VPS13B: variants seen among roughly 807,000 people sequenced by gnomAD.
VPS13B encodes intermembrane lipid transfer protein VPS13B.
VPS13B carries 285 observed loss-of-function variants against 426.4 expected under a neutral mutation model. The ratio of observed to expected loss-of-function variants is 0.67; its 90% CI spans 0.61 to 0.74. The LOEUF (loss-of-function observed/expected upper bound fraction) is 0.74. Among genes scored for constraint, VPS13B ranks in the 30% least tolerant of loss-of-function variants. The probability of loss-of-function intolerance (pLI) is 0.00; values close to 1 mark genes in which losing one functional copy is unlikely to be tolerated. For synonymous variants in VPS13B, 1,676 were observed against 1,676.4 expected, an observed-to-expected ratio of 1.00 and a Z score of 0.01; for missense variants, 4,537 against 4,782.6, an observed-to-expected ratio of 0.95 and a Z score of 1.51.
chr8:99,535,196 G>A (rs1027389823), intron 30 of VPS13B, among the ~76,000 whole-genome samples: 23 of 152,096 alleles, frequency 1.5e-4, no homozygotes, highest in Non-Finnish European at 2.6e-4. Context: ...GCCTTGGTAA[G>A]ATAAAATGCT....
At chr8:99,115,478 A>G (rs1482015625) in intron 6 of VPS13B, among the ~76,000 whole-genome samples, 1 of 152,062 alleles carries the variant, frequency 6.6e-6, no homozygotes, top group Non-Finnish European at 1.5e-5. Context: ...TATGTACATC[A>G]TTTGGTTTAA....
chr8:99,571,211 T>A (rs1039654397), intron 31 of VPS13B, among the ~76,000 whole-genome samples: 5 of 152,154 alleles, frequency 3.3e-5, no homozygotes, highest in Admixed American at 1.3e-4. Flanking sequence ...CAGTTAATAC[T>A]TTGTGTTTTA....
chr8:99,742,087 T>TC (rs1809760398), intron 39 of VPS13B, among the ~76,000 whole-genome samples: 2 of 151,732 alleles, frequency 1.3e-5, no homozygotes, highest in African/African-American at 4.8e-5. Flanking sequence ...GCAAGACTAA[T>TC]AAAGAAGAAA....
intron 24 of VPS13B, among the ~76,000 whole-genome samples, chr8:99,473,454 A>G (rs1412265930): frequency 6.6e-6 from 1 of 152,140 alleles, no homozygotes; most frequent in Non-Finnish European, 1.5e-5. Flanking sequence ...GACATTTGAC[A>G]GAATTCAACA....
At chr8:99,020,125 C>T (rs978230648) in intron 2 of VPS13B, among the ~76,000 whole-genome samples, 21 of 149,424 alleles carry the variant, frequency 1.4e-4, no homozygotes, top group African/African-American at 3.2e-4. Context: ...TGCTCCGTAT[C>T]GTCACTAACA....
intron 21 of VPS13B, chr8:99,429,512 TCA>T (rs1041481137): frequency 6.6e-6 from 1 of 152,134 alleles, no homozygotes; most frequent in African/African-American, 2.4e-5. Context: ...AATGGAAATC[TCA>T]GTTTAAGACA....
intron 17 of VPS13B, among the ~76,000 whole-genome samples, chr8:99,197,794 T>C (rs562436732): frequency 4.6e-5 from 7 of 152,322 alleles, no homozygotes; most frequent in African/African-American, 1.4e-4. Flanking sequence ...TTCATTTGTC[T>C]CAAGATACAT....
rs1046504261 is a variant in VPS13B at position 99,877,501 on chromosome 8, G to A, written c.*1835G>A. On this transcript the variant is annotated 3_prime_UTR_variant, in exon 62 of 62. Coordinates refer to ENST00000357162, the MANE Select transcript of VPS13B (RefSeq NM_152564.5). ...TTCACTAATACCTGGGTTTAATACA[G>A]CTCACATCACTGAATGTTACACATG... 2.0e-5 allele frequency: 3 copies of A among 152,572 alleles called. No homozygotes were observed. Among genetic ancestry groups the A allele is most frequent in the African/African-American group, 7.2e-5 (3 of 41,436 alleles). 9.5% of individuals were successfully genotyped at this position (152,572 alleles called of 1,614,324 possible). A position where few individuals can be genotyped will look rare whatever the true frequency, so the allele number is the denominator to read the frequency against.
chr8:99,165,986 A>T (rs1811980708), intron 15 of VPS13B, among the ~76,000 whole-genome samples: 1 of 152,092 alleles, frequency 6.6e-6, no homozygotes, highest in Admixed American at 6.6e-5. Flanking sequence ...TCTTTTATTT[A>T]TTTATTTTTT....
At chr8:99,582,461 T>A (rs1442772256) in intron 33 of VPS13B, among the ~76,000 whole-genome samples, 1 of 152,156 alleles carries the variant, frequency 6.6e-6, no homozygotes, top group Non-Finnish European at 1.5e-5. Flanking sequence ...TTAATAAGGG[T>A]TCTATCTCTT....
rs367627844 is a variant in VPS13B at position 99,226,087 on chromosome 8, G to T, written c.2515+33030G>T. Among the ~76,000 whole-genome samples the T allele has an allele frequency of 3.3e-5, 5 of 152,092 alleles. No homozygotes were observed. The East Asian group carries it at 9.7e-4, about 29-fold the overall frequency. The stretch of plus-strand genomic sequence containing the variant: ...AGCCTCCCAAGTAGTTGGGACTACA[G>T]GTGCCCGCCACCATGCCCGGCTAAT... On this transcript the variant is annotated intron_variant, in intron 17 of 61. Transcript: ENST00000357162.
chr8:99,497,077 AAT>A (rs1199870927), intron 25 of VPS13B, among the ~76,000 whole-genome samples: 3 of 143,552 alleles, frequency 2.1e-5, no homozygotes, highest in South Asian at 2.1e-4. Context: ...ATTTATTTGT[AAT>A]ATATATAAAT....
At chr8:99,213,106 C>A (rs961952001) in intron 17 of VPS13B, among the ~76,000 whole-genome samples, 3 of 152,084 alleles carry the variant, frequency 2.0e-5, no homozygotes, top group Admixed American at 1.3e-4. Flanking sequence ...TAGACTTGGA[C>A]CCTGTTTTCA....
intron 33 of VPS13B, among the ~76,000 whole-genome samples, chr8:99,578,436 A>G (rs1303121978): frequency 1.3e-5 from 2 of 152,146 alleles, no homozygotes; most frequent in Admixed American, 1.3e-4. Flanking sequence ...ATTATGTATT[A>G]TAACTGTGAC....
intron 36 of VPS13B, among the ~76,000 whole-genome samples, chr8:99,713,312 C>G (rs1832780155): frequency 6.6e-6 from 1 of 151,900 alleles, no homozygotes; most frequent in African/African-American, 2.4e-5. Context: ...CCTTTTATGG[C>G]TTTTTTTTAG....
Position 99,871,633 on chromosome 8 carries a change from A to T in VPS13B, c.11681A>T (p.Asp3894Val). Residue 3894 changes from aspartate to valine, a missense_variant, in exon 61 of 62, where the codon GAC (aspartate) becomes GTC (valine). Physicochemically the swap from Asp to Val is radical, Grantham distance 152 (BLOSUM62 -3). Coordinates refer to ENST00000357162, the MANE Select transcript of VPS13B (RefSeq NM_152564.5). ...FPVTEIDCAQDSKQNNLLTVQ... is the reference protein window; with the variant it reads ...FPVTEIDCAQVSKQNNLLTVQ... ...GTCACAGAAATCGACTGTGCACAGG[A>T]CAGCAAGCAGAACAACTTACTCACA... 6.2e-7 allele frequency: 1 copy of T among 1,614,200 alleles called. No individual in the cohort carries two copies. The highest frequency in any genetic ancestry group is 8.5e-7 in the Non-Finnish European group (1 of 1,180,044).
At chr8:99,630,571 GTCCCTCCC>G (rs879524171) in intron 33 of VPS13B, among the ~76,000 whole-genome samples, 1 of 151,260 alleles carries the variant, frequency 6.6e-6, no homozygotes, top group Admixed American at 6.6e-5. Flanking sequence ...CCCTTCATTT[GTCCCTCCC>G]TCCCTCCCTC....
chr8:99,784,450 A>T lies in VPS13B; in HGVS notation c.7915A>T (p.Ser2639Cys). Reference sequence around the variant, plus strand: ...GGCGAGTCTCCACAGTCACCAGTACAGCTGGCGCTCTCACAAATCCCCACA... The same window carrying T: ...GGCGAGTCTCCACAGTCACCAGTACTGCTGGCGCTCTCACAAATCCCCACA... ...LLASLHSHQYSWRSHKSPQLL... is the reference protein window; with the variant it reads ...LLASLHSHQYCWRSHKSPQLL... The change falls in exon 43 of 62, where the codon AGC becomes TGC. Residue 2639 changes from serine (S) to cysteine (C), a missense_variant. Physicochemically the swap from Ser to Cys is moderately radical, Grantham distance 112. This residue lies in a region of VPS13B where 4,311 missense variants were observed against 4,474.3 expected (regional missense o/e 0.96). Transcript: ENST00000357162. 2 of 1,613,714 alleles carry T rather than the reference A, an allele frequency of 1.2e-6. No individual in the cohort carries two copies. Among genetic ancestry groups the T allele is most frequent in the Non-Finnish European group, 8.5e-7 (1 of 1,179,686 alleles).
At chr8:99,255,135 A>G (rs1817682948) in intron 17 of VPS13B, among the ~76,000 whole-genome samples, 1 of 150,200 alleles carries the variant, frequency 6.7e-6, no homozygotes, top group South Asian at 2.1e-4. Context: ...AGCCCTCTCC[A>G]TTCTGGTATG....
Sources: gnomAD v4.1 joint callset for allele counts (sites outside exome capture counted in the v4.1 genomes callset) on GRCh38, gnomAD v4.1.1 for gene constraint, gnomAD v4.1.1 regional missense constraint, MANE v1.5 for transcripts, NCBI Gene and HGNC (gene_info 2026-07-23, HGNC 2026-07-21) for gene names.